Variants in CD84 observed in about 807,000 individuals in gnomAD.
CD84 encodes SLAM family member 5.
Under a neutral mutation model 33.8 loss-of-function variants are expected in CD84, and 22 were observed. The ratio of observed to expected loss-of-function variants is 0.65; its 90% CI spans 0.46 to 0.93. The LOEUF is 0.93. Ranked by LOEUF, CD84 falls within the 40% of genes least tolerant of loss-of-function variation. CD84 has a pLI of 0.00. For synonymous variants in CD84, 154 were observed against 145.2 expected (o/e 1.06, Z -0.44); for missense variants, 400 against 397.6 (o/e 1.01, Z -0.05).
Position 160,547,586 on chromosome 1 carries a change from T to G in CD84, c.*670A>C, listed in dbSNP as rs1261141555. 3 of 170,888 alleles carry G rather than the reference T, an allele frequency of 1.8e-5. No individual in the cohort carries two copies. Among genetic ancestry groups the G allele is most frequent in the Admixed American group, 6.3e-5 (1 of 15,910 alleles). The allele number at this position is 170,888 out of a possible 1,614,324, so 10.6% of individuals were successfully genotyped here. On this transcript the variant is annotated 3_prime_UTR_variant, in exon 7 of 7. Coordinates refer to ENST00000368054, the MANE Select transcript of CD84 (RefSeq NM_003874.4). Reference sequence around the variant, plus strand: ...GAGACCCACACAGCACTGTCATCTGTGTTTGGACTTACTAAGCCTGTTATG... The same window carrying G: ...GAGACCCACACAGCACTGTCATCTGGGTTTGGACTTACTAAGCCTGTTATG...
rs1488570502 is a variant in CD84 at position 160,579,428 on chromosome 1, G to A, written c.10C>T (p.His4Tyr). MAQ[H>Y]HLWILLLCLQ... ...CAAAGGAGCAAGATCCATAGGTGGT[G>A]CTGAGCCATCTCTTTCAGGGTCTAA... The change falls in exon 1 of 7, where the codon CAC becomes TAC. Residue 4 changes from histidine (H) to tyrosine (Y), a missense_variant. Coordinates refer to ENST00000368054, the MANE Select transcript of CD84 (RefSeq NM_003874.4). 4 of 1,613,096 alleles carry A rather than the reference G, an allele frequency of 2.5e-6. No homozygotes were observed. The highest frequency in any genetic ancestry group is 1.7e-5 in the Admixed American group (1 of 59,884).
chr1:160,552,610 T>C lies in CD84; in HGVS notation c.760+768A>G, dbSNP rs898048474. The C allele has an allele frequency of 8.6e-6, 7 of 810,456 alleles. No homozygotes were observed. The African/African-American group carries it at 1.2e-4, about 14-fold the overall frequency. The allele number at this position is 810,456 out of a possible 1,614,324, so 50.2% of individuals were successfully genotyped here. On this transcript the variant is annotated intron_variant, in intron 4 of 6. Transcript: ENST00000368054. The stretch of plus-strand genomic sequence containing the variant: ...CAAGCTGGGACTTTCACGCCTAGAC[T>C]GACTGCAAATCACGTGCTTAGTCTT...
chr1:160,548,215 G>A lies in CD84; in HGVS notation c.*41C>T. The A allele has an allele frequency of 6.2e-7, 1 of 1,605,132 alleles. No homozygotes were observed. Among genetic ancestry groups the A allele is most frequent in the Non-Finnish European group, 8.5e-7 (1 of 1,171,938 alleles). ...TCCAGGGAACCTGCCAGTATTGGTG[G>A]TTGTAACTCAGTTTCCAGAGGGAGA... On this transcript the variant is annotated 3_prime_UTR_variant, in exon 7 of 7. Coordinates refer to ENST00000368054, the MANE Select transcript of CD84 (RefSeq NM_003874.4).
intron 4 of CD84, among the ~76,000 whole-genome samples, chr1:160,552,373 G>A (rs1426897656): frequency 3.3e-5 from 5 of 152,044 alleles, no homozygotes; most frequent in African/African-American, 7.2e-5. Flanking sequence ...TGCCTCCTCC[G>A]TACCATGCCC....
intron 2 of CD84, among the ~76,000 whole-genome samples, chr1:160,557,980 C>T (rs1056530471): frequency 6.6e-6 from 1 of 152,222 alleles, no homozygotes; most frequent in Non-Finnish European, 1.5e-5. Flanking sequence ...GTTTTGAATT[C>T]TCCCTGGGGC....
chr1:160,573,328 A>T (rs886114079), intron 1 of CD84, among the ~76,000 whole-genome samples: 10 of 152,246 alleles, frequency 6.6e-5, no homozygotes, highest in Admixed American at 4.6e-4. Context: ...GAGGTTATAT[A>T]GACCTAAAAC....
intron 6 of CD84, among the ~76,000 whole-genome samples, chr1:160,549,603 A>G (rs1370129463): frequency 6.6e-6 from 1 of 152,020 alleles, no homozygotes; most frequent in Non-Finnish European, 1.5e-5. Flanking sequence ...TCATTTTCAC[A>G]CTGTGAGCTA....
Position 160,541,288 on chromosome 1 carries a change from G to A in CD84, c.*6968C>T, listed in dbSNP as rs527770316. 56 of 152,206 alleles carry A rather than the reference G, an allele frequency of 3.7e-4. No homozygotes were observed. Among genetic ancestry groups the A allele is most frequent in the African/African-American group, 1.3e-3 (55 of 41,534 alleles). 9.4% of individuals were successfully genotyped at this position (152,206 alleles called of 1,614,324 possible). On this transcript the variant is annotated 3_prime_UTR_variant, in exon 7 of 7. Coordinates refer to ENST00000368054, the MANE Select transcript of CD84 (RefSeq NM_003874.4). ...ACATGACACCTAGCTTCTGGAATAC[G>A]GTTAGTGGCATTTGCCACTAGTGAG...
At chr1:160,555,276 A>G (rs149929885) in intron 2 of CD84, among the ~76,000 whole-genome samples, 7,553 of 151,712 alleles carry the variant, frequency 0.05, 637 homozygotes, top group African/African-American at 0.17. Context: ...GTAGAGATGG[A>G]GTTTCACCGT....
chr1:160,550,013 GC>G, intron 5 of CD84, 34 bp from the exon 6 acceptor site: 1 of 1,368,768 alleles, frequency 7.3e-7, no homozygotes, highest in Non-Finnish European at 1.0e-6. Flanking sequence ...CAGTGAGGGA[GC>G]CCAGGCCCAT....
chr1:160,550,892 C>T, intron 5 of CD84, 46 bp downstream of exon 5: 2 of 1,610,398 alleles, frequency 1.2e-6, no homozygotes, highest in Non-Finnish European at 1.7e-6. Context: ...GACTCCCTGT[C>T]ATGGAGATGG....
At chr1:160,576,331 TA>T (rs1431692819) in intron 1 of CD84, among the ~76,000 whole-genome samples, 1 of 152,206 alleles carries the variant, frequency 6.6e-6, no homozygotes, top group Non-Finnish European at 1.5e-5. Flanking sequence ...ATTGGACTTT[TA>T]TTTGTTTAAA....
chr1:160,571,729 G>T (rs574761249), intron 1 of CD84, among the ~76,000 whole-genome samples: 1 of 152,144 alleles, frequency 6.6e-6, no homozygotes, highest in African/African-American at 2.4e-5. Flanking sequence ...CCTGCTCTAG[G>T]TTAGATGCTC....
At chr1:160,550,240 A>C (rs1479646733) in intron 5 of CD84, among the ~76,000 whole-genome samples, 1 of 152,096 alleles carries the variant, frequency 6.6e-6, no homozygotes, top group Non-Finnish European at 1.5e-5. Context: ...CCCATGGTTC[A>C]GGATGAGTCC....
rs752053375 is a variant in CD84 at position 160,553,921 on chromosome 1, G to A, written c.614C>T (p.Ser205Phe). 18 of 1,614,104 alleles carry A rather than the reference G, an allele frequency of 1.1e-5. No homozygotes were observed. The highest frequency in any genetic ancestry group is 1.6e-4 in the Middle Eastern group (1 of 6,084). ...AQNPVSNNSDSISARQLCADI... is the reference protein window; with the variant it reads ...AQNPVSNNSDFISARQLCADI... ...TGCACAGAGCTGCCGGGCAGAGATG[G>A]AGTCAGAATTGTTGCTGACAGGGTT... is the stretch of plus-strand genomic sequence containing the variant. The change falls in exon 3 of 7, where the codon TCC becomes TTC. Residue 205 changes from serine (S) to phenylalanine (F), a missense_variant. Ser to Phe is a radical substitution (Grantham distance 155). Coordinates refer to ENST00000368054, the MANE Select transcript of CD84 (RefSeq NM_003874.4).
intron 1 of CD84, among the ~76,000 whole-genome samples, chr1:160,573,003 C>T (rs971192248): frequency 6.6e-6 from 1 of 152,154 alleles, no homozygotes; most frequent in Non-Finnish European, 1.5e-5. Flanking sequence ...ATACACCTTT[C>T]TGTGTCTAAG....
chr1:160,568,310 A>T (rs987466048), intron 1 of CD84, among the ~76,000 whole-genome samples: 4 of 152,098 alleles, frequency 2.6e-5, no homozygotes, highest in Non-Finnish European at 5.9e-5. Flanking sequence ...CAAGTCATTC[A>T]GGAAGTGTTG....
chr1:160,565,016 A>G (rs753739072), intron 2 of CD84, among the ~76,000 whole-genome samples: 5 of 152,198 alleles, frequency 3.3e-5, no homozygotes, highest in Non-Finnish European at 7.3e-5. Flanking sequence ...GGGTACATAG[A>G]ACCTCCCTGT....
At chr1:160,573,564 C>A (rs1657818604) in intron 1 of CD84, among the ~76,000 whole-genome samples, 1 of 152,138 alleles carries the variant, frequency 6.6e-6, no homozygotes, top group South Asian at 2.1e-4. Flanking sequence ...TCCTACCACA[C>A]TCTTTTCAGC....
Sources: gnomAD v4.1 joint callset for allele counts (sites outside exome capture counted in the v4.1 genomes callset) on GRCh38, gnomAD v4.1.1 for gene constraint, MANE v1.5 for transcripts, NCBI Gene and HGNC (gene_info 2026-07-23, HGNC 2026-07-21) for gene names.